Variants in EXO5 observed in about 807,000 individuals in gnomAD.
EXO5 encodes the protein exonuclease V.
A neutral mutation model predicts 17.8 loss-of-function variants in EXO5; 11 were observed. The ratio of observed to expected loss-of-function variants is 0.62; its 90% CI spans 0.39 to 1.02. EXO5 has a LOEUF of 1.02. Ranked by LOEUF, EXO5 falls within the 50% of genes least tolerant of loss-of-function variation. The probability of loss-of-function intolerance (pLI) is 0.00; values close to 1 mark genes in which losing one functional copy is unlikely to be tolerated. For missense variants in EXO5, 364 were observed against 434.8 expected (o/e 0.84, Z 1.45); for synonymous variants, 147 against 166.5 (o/e 0.88, Z 0.90).
At chr1:40,511,443 T>C (rs1245009541) in intron 3 of EXO5, among the ~76,000 whole-genome samples, 3 of 152,226 alleles carry the variant, frequency 2.0e-5, no homozygotes, top group Non-Finnish European at 4.4e-5. Flanking sequence ...AAAGCAATAA[T>C]GTTGTAGGAT....
intron 3 of EXO5, among the ~76,000 whole-genome samples, chr1:40,510,843 G>GC (rs917813159): frequency 6.6e-6 from 1 of 152,234 alleles, no homozygotes; most frequent in African/African-American, 2.4e-5. Flanking sequence ...ATATTGGACA[G>GC]CCAGGTCTAG....
chr1:40,510,035 A>G (rs1645743567), intron 3 of EXO5, among the ~76,000 whole-genome samples: 1 of 152,236 alleles, frequency 6.6e-6, no homozygotes, highest in Non-Finnish European at 1.5e-5. Flanking sequence ...GTAGCATACT[A>G]CTAAATGCTA....
In EXO5 at chr1:40,509,736, TGTCATTTCA is replaced by T. The variant is rs960772269; in HGVS notation, c.-83_-75del. 6.6e-6 allele frequency: 1 copy of T among 152,200 alleles called. No homozygotes were observed. Among genetic ancestry groups the T allele is most frequent in the Non-Finnish European group, 1.5e-5 (1 of 68,040 alleles). The allele number at this position is 152,200 out of a possible 1,614,324, so 9.4% of individuals were successfully genotyped here. A position where few individuals can be genotyped will look rare whatever the true frequency, so the allele number is the denominator to read the frequency against. ...AGAACTTCTTTCTCTTCCCTAGCCT[TGTCATTTCA>T]GCATTCTGGCCTTCCCTATGAGGAG... On this transcript the variant is annotated 5_prime_UTR_variant, in exon 3 of 4. Transcript: ENST00000415550.
intron 3 of EXO5, among the ~76,000 whole-genome samples, chr1:40,510,442 C>T (rs1170360766): frequency 6.6e-6 from 1 of 152,222 alleles, no homozygotes; most frequent in African/African-American, 2.4e-5. Flanking sequence ...CATCAGTCAT[C>T]CATCCCTAGT....
At chr1:40,512,759 A>G (rs574993812) in intron 3 of EXO5, among the ~76,000 whole-genome samples, 18 of 152,072 alleles carry the variant, frequency 1.2e-4, no homozygotes, top group African/African-American at 3.6e-4. Flanking sequence ...CCGCCACCAC[A>G]CCCGGCTAAT....
At chr1:40,513,612 CAG>C (rs1299873771) in intron 3 of EXO5, among the ~76,000 whole-genome samples, 1 of 145,608 alleles carries the variant, frequency 6.9e-6, no homozygotes, top group Non-Finnish European at 1.5e-5. Context: ...TTTCTTGAGA[CAG>C]AGTCTTGCTC....
intron 3 of EXO5, among the ~76,000 whole-genome samples, chr1:40,513,824 A>G (rs1202236649): frequency 4.0e-5 from 6 of 151,484 alleles, no homozygotes; most frequent in East Asian, 2.0e-4. Context: ...CCTGACCTCA[A>G]GTGATCTGCC....
In EXO5 at chr1:40,514,599, G is replaced by T; in HGVS notation, c.55G>T (p.Asp19Tyr). 6.8e-6 allele frequency: 11 copies of T among 1,614,156 alleles called. No individual in the cohort carries two copies. Among genetic ancestry groups the T allele is most frequent in the Non-Finnish European group, 9.3e-6 (11 of 1,180,020 alleles). ...TVSAEASGFS[D>Y]LSDSEFLEFL... ...GTCAGCAGAAGCCTCAGGGTTCTCA[G>T]ACTTGAGTGACTCAGAGTTCCTGGA... The change falls in exon 4 of 4, where the codon GAC becomes TAC. Residue 19 changes from aspartate to tyrosine, a missense_variant. Physicochemically the swap from Asp to Tyr is radical, Grantham distance 160. Transcript: ENST00000415550.
Position 40,515,587 on chromosome 1 carries a change from A to G in EXO5, c.1043A>G (p.Tyr348Cys). The change falls in exon 4 of 4, where the codon TAT becomes TGT. Residue 348 changes from tyrosine (Y) to cysteine (C), a missense_variant. Tyr to Cys is a radical substitution (Grantham distance 194). Transcript: ENST00000415550. ...EEAWKCRTCTYADICEWRKGS... is the reference protein window; with the variant it reads ...EEAWKCRTCTCADICEWRKGS... ...GCTTGGAAGTGCCGGACGTGTACCTATGCAGACATTTGTGAGTGGAGAAAG... is the reference window on the plus strand; with the variant it reads ...GCTTGGAAGTGCCGGACGTGTACCTGTGCAGACATTTGTGAGTGGAGAAAG... 1 of 1,613,398 alleles carries G rather than the reference A, an allele frequency of 6.2e-7. No homozygotes were observed. Among genetic ancestry groups the G allele is most frequent in the Non-Finnish European group, 8.5e-7 (1 of 1,179,932 alleles).
chr1:40,512,475 G>A (rs1034896655), intron 3 of EXO5, among the ~76,000 whole-genome samples: 35 of 152,294 alleles, frequency 2.3e-4, no homozygotes, highest in African/African-American at 8.4e-4. Context: ...CTTTAAAATA[G>A]TTCAGCCAAA....
rs541305870 is a variant in EXO5 at position 40,509,526 on chromosome 1, G to T, written c.-188G>T. 6.6e-6 allele frequency: 1 copy of T among 152,432 alleles called. No individual in the cohort carries two copies. The highest frequency in any genetic ancestry group is 2.1e-4 in the South Asian group (1 of 4,832). 9.4% of individuals were successfully genotyped at this position (152,432 alleles called of 1,614,324 possible). On this transcript the variant is annotated 5_prime_UTR_variant, in exon 2 of 4. Transcript: ENST00000415550. ...AAATCATGGAGAGAGTTTGCCCCAG[G>T]AGAGAGGCGAGCGTTATGTAACCTA... is the stretch of plus-strand genomic sequence containing the variant.
At chr1:40,514,492 C>A in intron 3 of EXO5, 23 bp from the exon 4 acceptor site, 1 of 1,501,664 alleles carries the variant, frequency 6.7e-7, no homozygotes, top group Non-Finnish European at 8.9e-7. Context: ...TTGAACAATG[C>A]ATTTCTTTAA....
rs186821360 is a variant in EXO5 at position 40,513,687 on chromosome 1, C to T, written c.-30-828C>T. Among the ~76,000 whole-genome samples, 259 of 151,312 alleles carry T rather than the reference C, an allele frequency of 1.7e-3. 1 individual carries two copies. The highest frequency in any genetic ancestry group is 2.4e-3 in the Non-Finnish European group (163 of 67,950). On this transcript the variant is annotated intron_variant, in intron 3 of 3. Transcript: ENST00000415550. ...TCACTGCAACTTCCATCTCCCTGTT[C>T]AAGCAATTCTGCTGCCTCAGCCTCC...
chr1:40,515,860 C>A lies in EXO5; in HGVS notation c.*194C>A. The A allele has an allele frequency of 1.9e-6, 1 of 523,524 alleles. No individual in the cohort carries two copies. Among genetic ancestry groups the A allele is most frequent in the Non-Finnish European group, 3.4e-6 (1 of 293,870 alleles). The allele number at this position is 523,524 out of a possible 1,614,324, so 32.4% of individuals were successfully genotyped here. A position where few individuals can be genotyped will look rare whatever the true frequency, so the allele number is the denominator to read the frequency against. On this transcript the variant is annotated 3_prime_UTR_variant, in exon 4 of 4. Coordinates refer to ENST00000415550, the MANE Select transcript of EXO5 (RefSeq NM_001346953.2). ...GAGTGGGAGAGATGGGTTATACTGT[C>A]CCTGGAGCTTCATCATGATTGCCTG...
rs150517350 is a variant in EXO5 at position 40,515,641 on chromosome 1, C to T, written c.1097C>T (p.Ala366Val). The T allele has an allele frequency of 1.7e-5, 27 of 1,610,298 alleles. No homozygotes were observed. Among genetic ancestry groups the T allele is most frequent in the Admixed American group, 8.5e-5 (5 of 58,802 alleles). ...KGSGVLSSTL[A>V]PQVKKAK is the part of the protein sequence containing the mutation. ...AGTGGAGTGCTCAGCTCTACACTGGCGCCCCAAGTCAAAAAAGCCAAATGA... is the reference window on the plus strand; with the variant it reads ...AGTGGAGTGCTCAGCTCTACACTGGTGCCCCAAGTCAAAAAAGCCAAATGA... Residue 366 changes from alanine (A) to valine (V), a missense_variant, in exon 4 of 4, where the codon GCG becomes GTG. Transcript: ENST00000415550.
At chr1:40,511,687 T>A (rs576637608) in intron 3 of EXO5, among the ~76,000 whole-genome samples, 99 of 152,282 alleles carry the variant, frequency 6.5e-4, no homozygotes, top group Non-Finnish European at 1.1e-3. Context: ...AAGGGGACAT[T>A]TGGTTCATAG....
Position 40,514,628 on chromosome 1 carries a change from T to C in EXO5, c.84T>C (p.Phe28=). The change falls in exon 4 of 4, where the codon TTT becomes TTC. Residue 28 remains phenylalanine (F), a synonymous_variant. Transcript: ENST00000415550. ...TGAGTGACTCAGAGTTCCTGGAGTTTCTGGACCTAGAAGATGCCCAAGAGT... is the reference window on the plus strand; with the variant it reads ...TGAGTGACTCAGAGTTCCTGGAGTTCCTGGACCTAGAAGATGCCCAAGAGT... ...SDLSDSEFLE[F]LDLEDAQESK... 6.2e-7 allele frequency: 1 copy of C among 1,614,174 alleles called. No homozygotes were observed. Among genetic ancestry groups the C allele is most frequent in the Non-Finnish European group, 8.5e-7 (1 of 1,180,040 alleles).
chr1:40,513,396 A>C (rs778292066), intron 3 of EXO5, among the ~76,000 whole-genome samples: 3 of 152,164 alleles, frequency 2.0e-5, no homozygotes, highest in Non-Finnish European at 1.5e-5. Context: ...TTCTCAAGGA[A>C]CAGTTTGTAG....
At chr1:40,512,773 T>TTGTATTTTTAGTTTCACCATGAGG (rs1202988116) in intron 3 of EXO5, among the ~76,000 whole-genome samples, 2 of 152,106 alleles carry the variant, frequency 1.3e-5, no homozygotes, top group Non-Finnish European at 2.9e-5. Context: ...GGCTAATTTT[T>TTGTATTTTTAGTTTCACCATGAGG]TGTATTTTTA....
Sources: gnomAD v4.1 joint callset for allele counts (sites outside exome capture counted in the v4.1 genomes callset) on GRCh38, gnomAD v4.1.1 for gene constraint, MANE v1.5 for transcripts, NCBI Gene and HGNC (gene_info 2026-07-23, HGNC 2026-07-21) for gene names.